KCNMB2: variants seen among roughly 807,000 people sequenced by gnomAD.
KCNMB2 encodes potassium calcium-activated channel subfamily M regulatory beta subunit 2.
Under a neutral mutation model 24.5 loss-of-function variants are expected in KCNMB2, and 9 were observed. The ratio of observed to expected loss-of-function variants is 0.37; its 90% confidence interval spans 0.22 to 0.64. The LOEUF is 0.64. Among genes scored for constraint, KCNMB2 ranks in the 30% least tolerant of loss-of-function variants. The probability of loss-of-function intolerance (pLI) is 0.63; values close to 1 mark genes in which losing one functional copy is unlikely to be tolerated. For missense variants in KCNMB2, 226 were observed against 284.3 expected, an observed-to-expected ratio of 0.79 and a Z score of 1.47; for synonymous variants, 109 against 104.4, an observed-to-expected ratio of 1.04 and a Z score of -0.27.
chr3:178,645,203 A>G lies in KCNMB2; in HGVS notation c.-68+108492A>G, dbSNP rs1016980914. On this transcript the variant is annotated intron_variant, in intron 1 of 4. Coordinates refer to ENST00000452583, the MANE Select transcript of KCNMB2 (RefSeq NM_181361.3). ...GTAGCTGGGATTACAGGCATGCATC[A>G]CTATGCCCAGCTAAGTTTGTATTTT... 1.3e-5 allele frequency among the ~76,000 whole-genome samples: 2 copies of G among 151,862 alleles called. 1 individual carries two copies. The highest frequency in any genetic ancestry group is 4.8e-5 in the African/African-American group (2 of 41,342).
At chr3:178,703,182 A>G (rs1473875960) in intron 1 of KCNMB2, among the ~76,000 whole-genome samples, 3 of 152,304 alleles carry the variant, frequency 2.0e-5, no homozygotes. Flanking sequence ...AATAATATTA[A>G]TAACCATCTA....
At chr3:178,842,502 T>C in intron 4 of KCNMB2, 151 bp from the exon 5 acceptor site, 1 of 582,542 alleles carries the variant, frequency 1.7e-6, no homozygotes, top group Non-Finnish European at 3.1e-6. Context: ...TGTTATTTAT[T>C]AGGGTTTCCA....
chr3:178,754,455 C>T (rs1276066052), intron 1 of KCNMB2, among the ~76,000 whole-genome samples: 2 of 152,054 alleles, frequency 1.3e-5, no homozygotes, highest in Admixed American at 6.6e-5. Flanking sequence ...AAAGTTGGCA[C>T]ATCTAATAAA....
chr3:178,726,920 TC>T (rs1722984740), intron 1 of KCNMB2, among the ~76,000 whole-genome samples: 1 of 152,096 alleles, frequency 6.6e-6, no homozygotes, highest in Admixed American at 6.6e-5. Context: ...TTTCAGCTGT[TC>T]TTTCATTGAT....
intron 2 of KCNMB2, among the ~76,000 whole-genome samples, chr3:178,824,916 A>C (rs1560036572): frequency 6.6e-6 from 1 of 152,172 alleles, no homozygotes; most frequent in Non-Finnish European, 1.5e-5. Context: ...AAAAATACTA[A>C]TAAAATTGTC....
intron 1 of KCNMB2, among the ~76,000 whole-genome samples, chr3:178,594,188 A>G (rs1717782489): frequency 6.6e-6 from 1 of 151,978 alleles, no homozygotes; most frequent in Admixed American, 6.6e-5. Flanking sequence ...GTAGGACCTT[A>G]TGCTTTGAGT....
At chr3:178,783,384 G>A (rs1293364242) in intron 1 of KCNMB2, among the ~76,000 whole-genome samples, 1 of 150,156 alleles carries the variant, frequency 6.7e-6, no homozygotes, top group African/African-American at 2.5e-5. Flanking sequence ...ACCTTGGGCA[G>A]TATGGCCATT....
At chr3:178,615,329 G>T (rs966870739) in intron 1 of KCNMB2, among the ~76,000 whole-genome samples, 1 of 152,196 alleles carries the variant, frequency 6.6e-6, no homozygotes, top group African/African-American at 2.4e-5. Flanking sequence ...AGGTGGCAAA[G>T]CCAGCCAGTC....
intron 1 of KCNMB2, among the ~76,000 whole-genome samples, chr3:178,783,367 G>C (rs1244556409): frequency 6.7e-6 from 1 of 148,968 alleles, no homozygotes; most frequent in Non-Finnish European, 1.5e-5. Flanking sequence ...CATTGAATCT[G>C]TAAATTACCT....
Position 178,541,271 on chromosome 3 carries a change from A to G in KCNMB2, c.-68+4560A>G, listed in dbSNP as rs545974956. Among the ~76,000 whole-genome samples, 11 of 152,314 alleles carry G rather than the reference A, an allele frequency of 7.2e-5. No individual in the cohort carries two copies. The East Asian group carries it at 2.1e-3, about 29-fold the overall frequency. ...TGATCTTATCCAAACGATGACTTCTATTTCAAAAAGGACATTTTCACAGAT... is the reference window on the plus strand; with the variant it reads ...TGATCTTATCCAAACGATGACTTCTGTTTCAAAAAGGACATTTTCACAGAT... On this transcript the variant is annotated intron_variant, in intron 1 of 4. Coordinates refer to ENST00000452583, the MANE Select transcript of KCNMB2 (RefSeq NM_181361.3).
chr3:178,687,961 G>C (rs1459660499), intron 1 of KCNMB2, among the ~76,000 whole-genome samples: 2 of 151,990 alleles, frequency 1.3e-5, no homozygotes, highest in Non-Finnish European at 2.9e-5. Context: ...AGAAACTTTG[G>C]GTCCACTGTT....
intron 1 of KCNMB2, among the ~76,000 whole-genome samples, chr3:178,730,343 A>G (rs1375031680): frequency 1.3e-5 from 2 of 151,598 alleles, no homozygotes; most frequent in Non-Finnish European, 2.9e-5. Flanking sequence ...AGGTATCTGC[A>G]TGTTTTAATT....
chr3:178,791,503 G>A (rs961103669), intron 1 of KCNMB2, among the ~76,000 whole-genome samples: 4 of 152,126 alleles, frequency 2.6e-5, no homozygotes, highest in African/African-American at 9.7e-5. Context: ...CCCCAAAAGG[G>A]CAAATCTAAG....
chr3:178,820,791 C>G (rs1277998447), intron 2 of KCNMB2: 1 of 152,238 alleles, frequency 6.6e-6, no homozygotes, highest in Non-Finnish European at 1.5e-5. Context: ...ATCACAAACA[C>G]TTTTGTTATA....
intron 1 of KCNMB2, among the ~76,000 whole-genome samples, chr3:178,741,596 T>C (rs1274253346): frequency 1.3e-5 from 2 of 152,148 alleles, no homozygotes; most frequent in African/African-American, 4.8e-5. Context: ...CCTTTTCCTG[T>C]AGGCTGGGGT....
intron 1 of KCNMB2, among the ~76,000 whole-genome samples, chr3:178,739,244 C>T (rs1272865219): frequency 1.3e-5 from 2 of 152,134 alleles, no homozygotes; most frequent in Non-Finnish European, 2.9e-5. Context: ...GCTTCCGCAT[C>T]TATAAAACTA....
intron 2 of KCNMB2, among the ~76,000 whole-genome samples, chr3:178,816,627 G>T (rs1714412921): frequency 6.6e-6 from 1 of 151,914 alleles, no homozygotes; most frequent in Admixed American, 6.6e-5. Flanking sequence ...TCTATCCTTA[G>T]AAATATACAG....
At chr3:178,722,248 A>G (rs1381695520) in intron 1 of KCNMB2, among the ~76,000 whole-genome samples, 1 of 152,188 alleles carries the variant, frequency 6.6e-6, no homozygotes, top group Non-Finnish European at 1.5e-5. Context: ...TTTTTTACAC[A>G]CATATATACA....
At chr3:178,688,417 AC>A (rs1721544847) in intron 1 of KCNMB2, among the ~76,000 whole-genome samples, 1 of 152,162 alleles carries the variant, frequency 6.6e-6, no homozygotes, top group African/African-American at 2.4e-5. Flanking sequence ...ACAATAAATA[AC>A]TACCTTTTTA....
Sources: gnomAD v4.1 joint callset for allele counts (sites outside exome capture counted in the v4.1 genomes callset) on GRCh38, gnomAD v4.1.1 for gene constraint, MANE v1.5 for transcripts, NCBI Gene and HGNC (gene_info 2026-07-23, HGNC 2026-07-21) for gene names.